P3H3: variants seen among roughly 807,000 people sequenced by gnomAD.
P3H3 encodes the protein gene rich cluster, B.
Under a neutral mutation model 78.1 loss-of-function variants are expected in P3H3, and 64 were observed. That is an observed-to-expected ratio of 0.82 (90% CI 0.67 to 1.01). P3H3 has a LOEUF of 1.01. Among genes scored for constraint, P3H3 ranks in the 50% least tolerant of loss-of-function variants. P3H3 has a pLI of 0.00. For synonymous variants in P3H3, 425 were observed against 416.7 expected, an observed-to-expected ratio of 1.02 and a Z score of -0.24; for missense variants, 975 against 982.2, an observed-to-expected ratio of 0.99 and a Z score of 0.10.
At chr12:6,836,166 G>C (rs1383292887) in intron 9 of P3H3, among the ~76,000 whole-genome samples, 1 of 150,598 alleles carries the variant, frequency 6.6e-6, no homozygotes, top group East Asian at 2.0e-4. Flanking sequence ...AGATTGCAGT[G>C]AGCTATGATG....
chr12:6,831,369 G>A lies in P3H3; in HGVS notation c.1122+17G>A, dbSNP rs782796314. The A allele has an allele frequency of 8.1e-6, 13 of 1,613,086 alleles. No homozygotes were observed. The highest frequency in any genetic ancestry group is 3.3e-5 in the Admixed American group (2 of 59,984). On this transcript the variant is annotated intron_variant, in intron 5 of 14. Transcript: ENST00000290510. The surrounding 1 kb of genome is among the most constrained non-coding windows in gnomAD (Gnocchi z 4.6). The stretch of plus-strand genomic sequence containing the variant: ...CCCAGAGAGGTAATCCCCTCTCCAC[G>A]CTCACCTGGGAGGTAGCCCCAAATC...
Position 6,830,407 on chromosome 12 carries a change from C to G in P3H3, c.706C>G (p.Leu236Val). The G allele has an allele frequency of 6.3e-7, 1 of 1,588,964 alleles. No individual in the cohort carries two copies. The highest frequency in any genetic ancestry group is 8.6e-7 in the Non-Finnish European group (1 of 1,168,974). Residue 236 changes from leucine (L) to valine (V), a missense_variant, in exon 3 of 15, where the codon CTG becomes GTG. By Grantham distance (32) the Leu-to-Val change is conservative (BLOSUM62 1). Transcript: ENST00000290510. ...LLGRQEAGLA[L>V]PRLEEALQGS... ...GGGGCGCCAGGAGGCAGGACTGGCA[C>G]TGCCCAGGCTAGAGGAGGCTCTTCA... is the stretch of plus-strand genomic sequence containing the variant.
Position 6,829,785 on chromosome 12 carries a change from G to A in P3H3, c.499-74G>A. On this transcript the variant is annotated intron_variant, in intron 1 of 14. Coordinates refer to ENST00000290510, the MANE Select transcript of P3H3 (RefSeq NM_014262.5). The surrounding 1 kb of genome is among the most constrained non-coding windows in gnomAD (Gnocchi z 5.1). ...CAGAGTGTGTGTCTGGGGTAGGGTG[G>A]GGAGGCTGGCCAGGGGGCAGAGGTC... 2 of 1,546,914 alleles carry A rather than the reference G, an allele frequency of 1.3e-6. No homozygotes were observed. Among genetic ancestry groups the A allele is most frequent in the Non-Finnish European group, 1.8e-6 (2 of 1,124,560 alleles).
chr12:6,830,514 T>G lies in P3H3; in HGVS notation c.813T>G (p.Asp271Glu). 1 of 1,578,400 alleles carries G rather than the reference T, an allele frequency of 6.3e-7. No homozygotes were observed. Among genetic ancestry groups the G allele is most frequent in the South Asian group, 1.2e-5 (1 of 85,998 alleles). ...AGCAGGGGGCTGAAGAAGAGGAGGA[T>G]GGGGCTGCGAGCCAGGGGGGCCTCT... is the stretch of plus-strand genomic sequence containing the variant. ...EEQQGAEEEE[D>E]GAASQGGLYE... Residue 271 changes from aspartate (D) to glutamate (E), a missense_variant, in exon 3 of 15, where the codon GAT (aspartate) becomes GAG (glutamate). Transcript: ENST00000290510.
Position 6,837,563 on chromosome 12 carries a change from C to T in P3H3, c.1701C>T (p.Ser567=), listed in dbSNP as rs371402961. Residue 567 remains serine (S), a synonymous_variant, in exon 11 of 15, where the codon AGC becomes AGT. Transcript: ENST00000290510. ...CCTTCACCCACCTGGTGTGCCGCAG[C>T]GCCATAGAAGGTACGACAGGGACCC... is the stretch of plus-strand genomic sequence containing the variant. ...HLSFTHLVCR[S]AIEGEQEQRM... The T allele has an allele frequency of 8.1e-6, 13 of 1,612,144 alleles. No homozygotes were observed. The highest frequency in any genetic ancestry group is 3.3e-5 in the Admixed American group (2 of 59,814).
Position 6,828,707 on chromosome 12 carries a change from C to CCCCGCCGTGCTT in P3H3, c.269_280dup (p.Pro90_Leu93dup). 1 of 1,246,208 alleles carries CCCCGCCGTGCTT rather than the reference C, an allele frequency of 8.0e-7. No homozygotes were observed. Among genetic ancestry groups the CCCCGCCGTGCTT allele is most frequent in the Non-Finnish European group, 1.0e-6 (1 of 995,902 alleles). The allele number at this position is 1,246,208 out of a possible 1,614,324, so 77.2% of individuals were successfully genotyped here. A position where few individuals can be genotyped will look rare whatever the true frequency, so the allele number is the denominator to read the frequency against. On this transcript the variant is annotated inframe_insertion, in exon 1 of 15. Coordinates refer to ENST00000290510, the MANE Select transcript of P3H3 (RefSeq NM_014262.5). ...GCGCGGCCGATCCGGGCGCCGCGCT[C>CCCCGCCGTGCTT]CCCGCCGTGCTTCTCGGGGCCCCGG...
rs1555121142 is a variant in P3H3 at position 6,830,411 on chromosome 12, C to T, written c.710C>T (p.Pro237Leu). 5 of 1,588,842 alleles carry T rather than the reference C, an allele frequency of 3.1e-6. No homozygotes were observed. The highest frequency in any genetic ancestry group is 4.3e-6 in the Non-Finnish European group (5 of 1,168,918). Residue 237 changes from proline to leucine, a missense_variant, in exon 3 of 15, where the codon CCC (proline) becomes CTC (leucine). Coordinates refer to ENST00000290510, the MANE Select transcript of P3H3 (RefSeq NM_014262.5). ...LGRQEAGLAL[P>L]RLEEALQGSL... ...CGCCAGGAGGCAGGACTGGCACTGC[C>T]CAGGCTAGAGGAGGCTCTTCAGGGG...
chr12:6,831,433 C>G lies in P3H3; in HGVS notation c.1122+81C>G, dbSNP rs937791998. The stretch of plus-strand genomic sequence containing the variant: ...TGAGAAGTAACCTGGACCCCCACCC[C>G]CCGCTGGCCTCTTACCCGAGCACTC... On this transcript the variant is annotated intron_variant, in intron 5 of 14. Coordinates refer to ENST00000290510, the MANE Select transcript of P3H3 (RefSeq NM_014262.5). The surrounding 1 kb of genome is among the most constrained non-coding windows in gnomAD (Gnocchi z 4.6). 14 of 1,568,844 alleles carry G rather than the reference C, an allele frequency of 8.9e-6. No individual in the cohort carries two copies. Among genetic ancestry groups the G allele is most frequent in the East Asian group, 6.9e-5 (3 of 43,516 alleles).
At chr12:6,830,926 C>G in intron 4 of P3H3, 156 bp downstream of exon 4, 2 of 1,110,180 alleles carry the variant, frequency 1.8e-6, no homozygotes, top group East Asian at 2.5e-5. Flanking sequence ...AATTTGCCCT[C>G]CTTTGGCGCC....
intron 4 of P3H3, 90 bp downstream of exon 4, chr12:6,830,860 G>A (rs1555121310): frequency 6.4e-7 from 1 of 1,565,828 alleles, no homozygotes; most frequent in Non-Finnish European, 8.8e-7. Context: ...ATCTGTCTCT[G>A]GATTTGTAGT....
intron 9 of P3H3, among the ~76,000 whole-genome samples, chr12:6,835,428 CA>C (rs1289639276): frequency 1.3e-5 from 2 of 151,628 alleles, no homozygotes; most frequent in Non-Finnish European, 2.9e-5. Flanking sequence ...ACTAAAAATA[CA>C]AAAAAATTAG....
chr12:6,832,704 C>T (rs921978611), intron 6 of P3H3, among the ~76,000 whole-genome samples: 3 of 151,830 alleles, frequency 2.0e-5, no homozygotes, highest in East Asian at 2.0e-4. Flanking sequence ...CAGGTTCAAG[C>T]GATTCTTCTG....
chr12:6,828,616 TGCTGCGGGAGGC>T lies in P3H3; in HGVS notation c.184_195del (p.Glu62_Arg65del). 8.2e-7 allele frequency: 1 copy of T among 1,217,308 alleles called. No homozygotes were observed. Among genetic ancestry groups the T allele is most frequent in the Non-Finnish European group, 1.0e-6 (1 of 979,012 alleles). The allele number at this position is 1,217,308 out of a possible 1,614,324, so 75.4% of individuals were successfully genotyped here. On this transcript the variant is annotated inframe_deletion, in exon 1 of 15. Transcript: ENST00000290510. ...GGGGCTTGGGCGCCGGCCGTGGCGC[TGCTGCGGGAGGC>T]GCTGCGGAGCCAGGCGGCGCTGGGC...
chr12:6,838,395 G>A (rs1460494164), intron 13 of P3H3, among the ~76,000 whole-genome samples: 1 of 152,188 alleles, frequency 6.6e-6, no homozygotes, highest in Non-Finnish European at 1.5e-5. Context: ...CTTGACTGGG[G>A]CTCGGATTCT....
chr12:6,839,188 G>A (rs1555122699), intron 14 of P3H3, 48 bp downstream of exon 14: 1 of 1,577,072 alleles, frequency 6.3e-7, no homozygotes. Flanking sequence ...TGCGTGAAGG[G>A]TGGGCAAGGA....
chr12:6,833,643 A>G lies in P3H3; in HGVS notation c.1264A>G (p.Arg422Gly). Residue 422 changes from arginine (R) to glycine (G), a missense_variant and splice_region_variant, in exon 7 of 15, where the codon AGA becomes GGA. Transcript: ENST00000290510. ...CCCTGAGGCACTTAGAGAAAAGCTC[A>G]GGTAGGATATGCCCCATGGTGGGAG... ...LIPEALREKL[R>G]EDQEKRPWDH... is the part of the protein sequence containing the mutation. 1 of 1,613,784 alleles carries G rather than the reference A, an allele frequency of 6.2e-7. No homozygotes were observed. Among genetic ancestry groups the G allele is most frequent in the Non-Finnish European group, 8.5e-7 (1 of 1,179,734 alleles).
In P3H3 at chr12:6,836,979, A is replaced by C. The variant is rs1555122214; in HGVS notation, c.1459-6A>C. On this transcript the variant is annotated splice_polypyrimidine_tract_variant and splice_region_variant and intron_variant, in intron 9 of 14. Coordinates refer to ENST00000290510, the MANE Select transcript of P3H3 (RefSeq NM_014262.5). Reference sequence around the variant, plus strand: ...GTGACTCCACGGTAAACTCCTTCCTATTTAGGATGCAGCTGGGGCTGGAGC... The same window carrying C: ...GTGACTCCACGGTAAACTCCTTCCTCTTTAGGATGCAGCTGGGGCTGGAGC... 3 of 1,608,476 alleles carry C rather than the reference A, an allele frequency of 1.9e-6. No homozygotes were observed. The African/African-American group carries it at 4.0e-5, about 22-fold the overall frequency.
intron 9 of P3H3, among the ~76,000 whole-genome samples, 157 bp downstream of exon 9, chr12:6,834,206 G>A (rs4963511): frequency 0.17 from 25,729 of 152,174 alleles, 2,403 homozygotes; most frequent in East Asian, 0.35. Context: ...GTTCCGTCTC[G>A]TCTTAATTTA....
Position 6,831,843 on chromosome 12 carries a change from C to T in P3H3, c.1141C>T (p.Leu381Phe). The T allele has an allele frequency of 1.2e-6, 2 of 1,607,116 alleles. No individual in the cohort carries two copies. Among genetic ancestry groups the T allele is most frequent in the Non-Finnish European group, 1.7e-6 (2 of 1,175,630 alleles). Residue 381 changes from leucine to phenylalanine, a missense_variant, in exon 6 of 15, where the codon CTC (leucine) becomes TTC (phenylalanine). Coordinates refer to ENST00000290510, the MANE Select transcript of P3H3 (RefSeq NM_014262.5). The surrounding 1 kb of genome is among the most constrained non-coding windows in gnomAD (Gnocchi z 4.6). ...CCCTCAGGACATCCAGCGCTTCATC[C>T]TCCGATCCCTGGGGGAGAAGAGGCA... ...GPREDIQRFI[L>F]RSLGEKRQLY...
Sources: allele counts gnomAD v4.1 joint callset (sites outside exome capture counted in the v4.1 genomes callset), GRCh38; gene constraint gnomAD v4.1.1; non-coding constraint Gnocchi (gnomAD v3.1); transcripts MANE v1.5; gene names NCBI Gene and HGNC (gene_info 2026-07-23, HGNC 2026-07-21).